The following ART1 variants were observed in gnomAD, a reference collection of about 807,000 sequenced individuals.
ART1 encodes GPI-linked NAD(P)(+)--arginine ADP-ribosyltransferase 1.
Under a neutral mutation model 27.0 loss-of-function variants are expected in ART1, and 29 were observed. The observed-to-expected ratio is 1.08, with a 90% confidence interval of 0.80 to 1.47. The LOEUF is 1.47. Among genes scored for constraint, ART1 ranks in the 40% most tolerant of loss-of-function variants. The pLI, the probability that ART1 is intolerant of heterozygous loss-of-function variation, is 0.00. For synonymous variants in ART1, 201 were observed against 172.2 expected, an observed-to-expected ratio of 1.17 and a Z score of -1.31; for missense variants, 480 against 423.0, an observed-to-expected ratio of 1.13 and a Z score of -1.18.
At chr11:3,655,653 C>A (rs966993004) in intron 1 of ART1, 1 of 152,198 alleles carries the variant, frequency 6.6e-6, no homozygotes, top group African/African-American at 2.4e-5. Flanking sequence ...TCCACAGTGT[C>A]AGGTACACTC....
chr11:3,655,051 TTG>T (rs2077559748), intron 1 of ART1, among the ~76,000 whole-genome samples: 1 of 152,168 alleles, frequency 6.6e-6, no homozygotes, highest in Admixed American at 6.5e-5. Context: ...CTCATGGTCT[TTG>T]GGTTGACGGC....
rs1367846610 is a variant in ART1, at chr11:3,659,527, G to C, written c.64-56G>C. 2.6e-6 allele frequency: 4 copies of C among 1,520,716 alleles called. No homozygotes were observed. The East Asian group carries it at 6.8e-5, about 26-fold the overall frequency. 94.2% of individuals were successfully genotyped at this position (1,520,716 alleles called of 1,614,324 possible). On this transcript the variant is annotated intron_variant, in intron 2 of 4. Transcript: ENST00000250693. ...GTGGAGGGGAGAGCTGGATGGCAGG[G>C]GACTCATTCTCCCAGGGGCCTATCC... is the stretch of plus-strand genomic sequence containing the variant.
At chr11:3,661,526 C>T in intron 4 of ART1, 113 bp downstream of exon 4, 1 of 747,566 alleles carries the variant, frequency 1.3e-6, no homozygotes, top group South Asian at 2.1e-5. Flanking sequence ...CAGAGTTTCA[C>T]TCTTGTTGCC....
At chr11:3,653,461 C>A (rs934870576) in intron 1 of ART1, among the ~76,000 whole-genome samples, 3 of 149,432 alleles carry the variant, frequency 2.0e-5, no homozygotes, top group South Asian at 2.1e-4. Context: ...TGCCAGAGAA[C>A]AACCCCCCTT....
intron 1 of ART1, among the ~76,000 whole-genome samples, chr11:3,653,454 C>A (rs1003048101): frequency 2.0e-5 from 3 of 149,324 alleles, no homozygotes; most frequent in South Asian, 2.1e-4. Flanking sequence ...CTCTGACTGC[C>A]AGAGAACAAC....
chr11:3,648,135 C>A (rs1378941742), intron 1 of ART1, among the ~76,000 whole-genome samples: 1 of 152,134 alleles, frequency 6.6e-6, no homozygotes, highest in Admixed American at 6.6e-5. Context: ...AGAGAACAAC[C>A]CCCCTTTGAC....
chr11:3,651,721 C>T (rs571717772), intron 1 of ART1, among the ~76,000 whole-genome samples: 12 of 151,928 alleles, frequency 7.9e-5, no homozygotes, highest in Non-Finnish European at 1.5e-4. Flanking sequence ...TCCCCCAGCT[C>T]CTTCAGCTGT....
Position 3,657,897 on chromosome 11 carries a change from A to T in ART1, c.-52-1265A>T, listed in dbSNP as rs566798687. ...AGTATGAAATGGTTAATTATGGTTT[A>T]TACCATGAGATAAACCAAGCTGCCA... On this transcript the variant is annotated intron_variant, in intron 1 of 4. Transcript: ENST00000250693. Among the ~76,000 whole-genome samples the T allele has an allele frequency of 3.3e-5, 5 of 152,342 alleles. No individual in the cohort carries two copies. In the South Asian group the frequency reaches 8.3e-4, roughly 25 times the overall value.
intron 1 of ART1, among the ~76,000 whole-genome samples, chr11:3,654,945 C>G (rs28519597): frequency 0.43 from 65,445 of 150,578 alleles, 16,719 homozygotes; most frequent in Admixed American, 0.65. Flanking sequence ...TGTGGAGACA[C>G]AATGAGAGAT....
intron 3 of ART1, 30 bp downstream of exon 3, chr11:3,660,393 T>G: frequency 1.9e-6 from 3 of 1,574,494 alleles, no homozygotes; most frequent in Non-Finnish European, 2.6e-6. Flanking sequence ...TCGGCACCTG[T>G]GCGGAAGGTG....
chr11:3,653,006 A>T (rs2077537612), intron 1 of ART1, among the ~76,000 whole-genome samples: 1 of 147,932 alleles, frequency 6.8e-6, no homozygotes, highest in Admixed American at 6.7e-5. Context: ...ATAATTCTAC[A>T]CGACAAATGT....
chr11:3,660,423 G>A, intron 3 of ART1, 60 bp downstream of exon 3: 1 of 1,537,486 alleles, frequency 6.5e-7, no homozygotes. Flanking sequence ...CATCCACCAG[G>A]GACTTTGGCA....
rs748593740 is a variant in ART1 at position 3,652,413 on chromosome 11, C to T, written c.-52-6749C>T. On this transcript the variant is annotated intron_variant, in intron 1 of 4. Transcript: ENST00000250693. ...AGTATTCAGTGAAACCTTTATATCCCTTACGGTCCTCTGTCTTCAGGAAAA... is the reference window on the plus strand; with the variant it reads ...AGTATTCAGTGAAACCTTTATATCCTTTACGGTCCTCTGTCTTCAGGAAAA... Among the ~76,000 whole-genome samples, 88 of 149,466 alleles carry T rather than the reference C, an allele frequency of 5.9e-4. 3 individuals are homozygous for T. Among genetic ancestry groups the T allele is most frequent in the Non-Finnish European group, 7.4e-4 (50 of 67,980 alleles).
chr11:3,657,788 T>C (rs1290120393), intron 1 of ART1, among the ~76,000 whole-genome samples: 1 of 152,142 alleles, frequency 6.6e-6, no homozygotes, highest in Non-Finnish European at 1.5e-5. Context: ...TGCACACACA[T>C]AGAGAAGGAT....
chr11:3,652,575 C>A (rs998275049), intron 1 of ART1, among the ~76,000 whole-genome samples: 1 of 152,280 alleles, frequency 6.6e-6, no homozygotes, highest in South Asian at 2.1e-4. Flanking sequence ...AGATACAGCC[C>A]ATTTGAGCTC....
At chr11:3,645,336 G>C (rs922499039) in intron 1 of ART1, among the ~76,000 whole-genome samples, 157 bp downstream of exon 1, 4 of 152,128 alleles carry the variant, frequency 2.6e-5, no homozygotes, top group Non-Finnish European at 5.9e-5. Flanking sequence ...GGGAGCCATG[G>C]GAAGTTTGGG....
At chr11:3,652,268 G>T (rs188680315) in intron 1 of ART1, among the ~76,000 whole-genome samples, 4 of 151,028 alleles carry the variant, frequency 2.6e-5, no homozygotes, top group Non-Finnish European at 5.9e-5. Context: ...GAAGGCCACC[G>T]CAGTCATTTC....
intron 1 of ART1, among the ~76,000 whole-genome samples, chr11:3,650,197 A>G (rs2077508566): frequency 6.6e-6 from 1 of 152,174 alleles, no homozygotes; most frequent in African/African-American, 2.4e-5. Flanking sequence ...CTCCTCCCCC[A>G]GGAGCTTGCT....
In ART1 at chr11:3,659,700, C is replaced by T; in HGVS notation, c.181C>T (p.Leu61Phe). ...CTGTGCTGCTGCCATGACAGCTGCT[C>T]TCCCGGATCTCAACCACACGGAGTT... is the stretch of plus-strand genomic sequence containing the variant. ...AGCAAAMTAA[L>F]PDLNHTEFQA... Residue 61 changes from leucine (L) to phenylalanine (F), a missense_variant, in exon 3 of 5, where the codon CTC (leucine) becomes TTC (phenylalanine). Coordinates refer to ENST00000250693, the MANE Select transcript of ART1 (RefSeq NM_004314.3). 2 of 1,614,030 alleles carry T rather than the reference C, an allele frequency of 1.2e-6. No individual in the cohort carries two copies. Among genetic ancestry groups the T allele is most frequent in the Non-Finnish European group, 1.7e-6 (2 of 1,179,992 alleles).
Sources: allele counts gnomAD v4.1 joint callset (sites outside exome capture counted in the v4.1 genomes callset), GRCh38; gene constraint gnomAD v4.1.1; transcripts MANE v1.5; gene names NCBI Gene and HGNC (gene_info 2026-07-23, HGNC 2026-07-21).